HS6ST2: variants seen among roughly 807,000 people sequenced by gnomAD.
HS6ST2 encodes heparan-sulfate 6-O-sulfotransferase 2.
Under a neutral mutation model 33.0 loss-of-function variants are expected in HS6ST2, and 17 were observed. The observed-to-expected ratio is 0.52, with a 90% CI of 0.35 to 0.77. The LOEUF (loss-of-function observed/expected upper bound fraction) is 0.77, where lower values mean the gene tolerates loss of function less well. HS6ST2 is among the 30% of genes least tolerant of loss of function. The pLI, the probability that HS6ST2 is intolerant of heterozygous loss-of-function variation, is 0.01. For synonymous variants in HS6ST2, 248 were observed against 237.1 expected (o/e 1.05, Z -0.42); for missense variants, 519 against 551.7 (o/e 0.94, Z 0.59).
intron 2 of HS6ST2, among the ~76,000 whole-genome samples, chrX:132,910,783 C>A (rs919569963): frequency 4.5e-5 from 5 of 111,579 alleles, no homozygotes; most frequent in Non-Finnish European, 9.4e-5. Flanking sequence ...TGGTTCCTTG[C>A]CTTTCGTCCA....
chrX:132,797,649 G>A (rs914126466), intron 2 of HS6ST2, among the ~76,000 whole-genome samples: 50 of 111,384 alleles, frequency 4.5e-4, no homozygotes, highest in African/African-American at 1.6e-3. Flanking sequence ...GTTCTCATTT[G>A]TTCCTCTGAA....
At chrX:132,803,159 T>C (rs2065251146) in intron 2 of HS6ST2, among the ~76,000 whole-genome samples, 1 of 111,788 alleles carries the variant, frequency 8.9e-6, no homozygotes, top group African/African-American at 3.3e-5. Flanking sequence ...TTCTCTCCTT[T>C]GTTTGCCCCT....
chrX:132,784,277 G>A (rs2065041245), intron 2 of HS6ST2, among the ~76,000 whole-genome samples: 1 of 111,421 alleles, frequency 9.0e-6, no homozygotes, highest in African/African-American at 3.3e-5. Flanking sequence ...TTAGGATATG[G>A]GAACTGAGCC....
At chrX:132,944,765 A>G (rs1467477293) in intron 2 of HS6ST2, among the ~76,000 whole-genome samples, 1 of 110,733 alleles carries the variant, frequency 9.0e-6, no homozygotes, top group East Asian at 2.8e-4. Flanking sequence ...AGGATTCCCT[A>G]TTTAATAAAT....
chrX:132,757,731 C>CT (rs1237569787), intron 2 of HS6ST2, among the ~76,000 whole-genome samples: 2 of 111,879 alleles, frequency 1.8e-5, no homozygotes, highest in Non-Finnish European at 3.8e-5. Flanking sequence ...TTCTAAAAGT[C>CT]TTTTTAGACA....
chrX:132,774,116 A>T (rs751565467), intron 2 of HS6ST2, among the ~76,000 whole-genome samples: 1 of 112,548 alleles, frequency 8.9e-6, no homozygotes, highest in African/African-American at 3.2e-5. Context: ...AAAGGGGGAA[A>T]TGTAGAACAT....
intron 2 of HS6ST2, among the ~76,000 whole-genome samples, chrX:132,803,838 TTA>T (rs987501489): frequency 8.0e-5 from 9 of 111,949 alleles, no homozygotes; most frequent in African/African-American, 2.6e-4. Context: ...CCTCAGAGAA[TTA>T]TGAGTAGCAT....
chrX:132,707,496 CA>C (rs1391510533), intron 3 of HS6ST2, among the ~76,000 whole-genome samples: 4 of 112,293 alleles, frequency 3.6e-5, no homozygotes, highest in Non-Finnish European at 1.9e-5. Flanking sequence ...TGGGCATCCC[CA>C]AAATGGCTCA....
chrX:132,876,396 A>G (rs1274627203), intron 2 of HS6ST2, among the ~76,000 whole-genome samples: 1 of 112,057 alleles, frequency 8.9e-6, no homozygotes. Flanking sequence ...TCAGGGGTAG[A>G]GCTTTAAGTG....
chrX:132,919,111 C>T (rs931158622), intron 2 of HS6ST2, among the ~76,000 whole-genome samples: 3 of 111,766 alleles, frequency 2.7e-5, no homozygotes, highest in Non-Finnish European at 5.6e-5. Flanking sequence ...GGAGGGACTC[C>T]TCTGACCAAT....
Position 132,637,848 on chromosome X carries a change from A to ATAATATAT in HS6ST2, c.1068-8763_1068-8756dup, listed in dbSNP as rs1271434776. Among the ~76,000 whole-genome samples the ATAATATAT allele has an allele frequency of 2.8e-4, 11 of 39,097 alleles. No homozygotes were observed. The Admixed American group carries it at 4.3e-3, about 15-fold the overall frequency. The allele number at this position is 39,097 out of a possible 115,157, so 34.0% of individuals were successfully genotyped here. A position where few individuals can be genotyped will look rare whatever the true frequency, so the allele number is the denominator to read the frequency against. ...TAATATTATATATAATATTTTATATATAATATATATATAATATATTATATA... is the reference window on the plus strand; with the variant it reads ...TAATATTATATATAATATTTTATATATAATATATTAATATATATATAATATATTATATA... On this transcript the variant is annotated intron_variant, in intron 4 of 4. Transcript: ENST00000370833.
intron 4 of HS6ST2, among the ~76,000 whole-genome samples, chrX:132,629,350 T>C (rs1223099633): frequency 9.0e-6 from 1 of 111,725 alleles, no homozygotes; most frequent in Non-Finnish European, 1.9e-5. Flanking sequence ...ATTCCAGACA[T>C]TGACCTTGTC....
At position 132,828,678 on chromosome X, in the gene HS6ST2, T is replaced by TTATATATATA. The variant is rs1176610550; in HGVS notation, c.948-120194_948-120185dup. ...CTGGGGATAATGGAAATATCATATT[T>TTATATATATA]TATATATATATATATACACACACAC... is the stretch of plus-strand genomic sequence containing the variant. On this transcript the variant is annotated intron_variant, in intron 2 of 4. Coordinates refer to ENST00000370833, the MANE Select transcript of HS6ST2 (RefSeq NM_001394073.1). 2.0e-3 allele frequency among the ~76,000 whole-genome samples: 106 copies of TTATATATATA among 53,170 alleles called. 3 individuals are homozygous for TTATATATATA. The highest frequency in any genetic ancestry group is 6.2e-3 in the African/African-American group (67 of 10,795). The allele number at this position is 53,170 out of a possible 115,157, so 46.2% of individuals were successfully genotyped here.
At chrX:132,701,048 C>T (rs758793540) in intron 3 of HS6ST2, among the ~76,000 whole-genome samples, 4 of 111,796 alleles carry the variant, frequency 3.6e-5, no homozygotes, top group African/African-American at 1.3e-4. Context: ...AAGAATTAAA[C>T]GGCAAAAGCA....
At chrX:132,646,292 A>G (rs766577351) in intron 4 of HS6ST2, among the ~76,000 whole-genome samples, 15 of 110,927 alleles carry the variant, frequency 1.4e-4, no homozygotes, top group Non-Finnish European at 2.5e-4. Flanking sequence ...TGCGTAGGGG[A>G]TGATAGGAGA....
intron 2 of HS6ST2, among the ~76,000 whole-genome samples, chrX:132,795,817 C>T (rs912255780): frequency 9.0e-6 from 1 of 111,261 alleles, no homozygotes; most frequent in Non-Finnish European, 1.9e-5. Flanking sequence ...CCATGTTGCC[C>T]AGGCTGGTCT....
chrX:132,825,046 A>C (rs2065503476), intron 2 of HS6ST2, among the ~76,000 whole-genome samples: 1 of 112,226 alleles, frequency 8.9e-6, no homozygotes, highest in African/African-American at 3.2e-5. Context: ...TCTATGGAGA[A>C]GGCCTTTGGC....
chrX:132,640,659 T>C (rs950016965), intron 4 of HS6ST2, among the ~76,000 whole-genome samples: 2 of 111,558 alleles, frequency 1.8e-5, no homozygotes, highest in Non-Finnish European at 3.8e-5. Context: ...TAAGAAGTGA[T>C]TTAAGTTTTC....
At chrX:132,688,473 G>T (rs1266004550) in intron 3 of HS6ST2, among the ~76,000 whole-genome samples, 1 of 111,520 alleles carries the variant, frequency 9.0e-6, no homozygotes, top group East Asian at 2.8e-4. Flanking sequence ...CAGCATGACT[G>T]GGGAGGCCTC....
Sources: allele counts gnomAD v4.1 joint callset (sites outside exome capture counted in the v4.1 genomes callset), GRCh38; gene constraint gnomAD v4.1.1; transcripts MANE v1.5; gene names NCBI Gene and HGNC (gene_info 2026-07-23, HGNC 2026-07-21).